Variants in LGSN observed in about 807,000 individuals in gnomAD.
LGSN encodes lengsin.
LGSN carries 21 observed loss-of-function variants against 19.5 expected under a neutral mutation model. That is an observed-to-expected ratio of 1.07 (90% CI 0.76 to 1.55). The LOEUF (loss-of-function observed/expected upper bound fraction) is 1.55. LGSN is among the 40% of genes most tolerant of loss of function. The pLI, the probability that LGSN is intolerant of heterozygous loss-of-function variation, is 0.00. For missense variants in LGSN, 673 were observed against 608.5 expected, an observed-to-expected ratio of 1.11 and a Z score of -1.12; for synonymous variants, 257 against 215.6, an observed-to-expected ratio of 1.19 and a Z score of -1.68.
chr6:63,350,253 C>T, the LGSN span, among the ~76,000 whole-genome samples: 1 of 152,134 alleles, frequency 6.6e-6, no homozygotes, highest in South Asian at 2.1e-4. Flanking sequence ...ACCTTGATTT[C>T]TTTCATTCTT....
At chr6:63,281,354 A>ATATATATATAATAAATATAAAT (rs1767318084) in intron 3 of LGSN, 134 bp from the exon 4 acceptor site, 1 of 168,694 alleles carries the variant, frequency 5.9e-6, no homozygotes, top group Non-Finnish European at 1.2e-5. Flanking sequence ...ATATATGTTT[A>ATATATATATAATAAATATAAAT]ACACTTGTTG....
the LGSN span, among the ~76,000 whole-genome samples, chr6:63,442,135 G>A: frequency 2.0e-4 from 31 of 152,236 alleles, no homozygotes; most frequent in African/African-American, 7.2e-4. Context: ...CCTCATGTCC[G>A]GAGTTGTTGG....
chr6:63,492,477 G>A, the LGSN span, among the ~76,000 whole-genome samples: 1 of 152,322 alleles, frequency 6.6e-6, no homozygotes, highest in Middle Eastern at 3.4e-3. Flanking sequence ...CCTAACTGTT[G>A]TTACATGTTT....
At chr6:63,418,518 G>A in the LGSN span, among the ~76,000 whole-genome samples, 7 of 152,122 alleles carry the variant, frequency 4.6e-5, no homozygotes, top group Non-Finnish European at 8.8e-5. Flanking sequence ...CCGAGATTCC[G>A]CCACTGCACT....
chr6:63,284,163 T>C (rs963586291), intron 3 of LGSN, among the ~76,000 whole-genome samples: 4 of 152,180 alleles, frequency 2.6e-5, no homozygotes, highest in Admixed American at 6.5e-5. Flanking sequence ...TACTCTATGA[T>C]CATTAAATGA....
Position 63,319,919 on chromosome 6 carries a change from G to A in LGSN, c.25C>T (p.Gln9Ter), listed in dbSNP as rs1454457360. 1 of 1,609,000 alleles carries A rather than the reference G, an allele frequency of 6.2e-7. No homozygotes were observed. Among genetic ancestry groups the A allele is most frequent in the South Asian group, 1.1e-5 (1 of 90,946 alleles). The part of the protein sequence containing the change: MNNEEDLL[Q>*]EDSTRDEGNE... ...TTTAATGATTAGCTTCATACCTCCT[G>A]CAGAAGGTCCTCTTCATTATTCATC... Residue 9 changes from glutamine (Q) to a stop codon, truncating the protein, a stop_gained, in exon 1 of 4, where the codon CAG (glutamine) becomes TAG (stop). Transcript: ENST00000370657. LOFTEE classifies it high-confidence loss of function.
chr6:63,432,179 G>GAAAGAAAAGAAAAGAAAAGA, the LGSN span, among the ~76,000 whole-genome samples: 159 of 113,632 alleles, frequency 1.4e-3, 6 homozygotes, highest in Middle Eastern at 8.2e-3. Flanking sequence ...GAAAAGGAAA[G>GAAAGAAAAGAAAAGAAAAGA]AAAGAAAAGA....
At chr6:63,549,543 G>T in the LGSN span, 1 of 622,052 alleles carries the variant, frequency 1.6e-6, no homozygotes, top group Non-Finnish European at 2.8e-6. Flanking sequence ...TTTTAAAGGT[G>T]ATAAATGTTG....
chr6:63,412,513 A>G, the LGSN span, among the ~76,000 whole-genome samples: 52 of 113,890 alleles, frequency 4.6e-4, no homozygotes, highest in Admixed American at 1.4e-3. Flanking sequence ...AAAGAAAGAA[A>G]GAAAGAAAGA....
the LGSN span, among the ~76,000 whole-genome samples, chr6:63,389,329 G>A: frequency 6.6e-6 from 1 of 152,154 alleles, no homozygotes; most frequent in African/African-American, 2.4e-5. Flanking sequence ...CAGATAGAGA[G>A]GAAAGGATAT....
At chr6:63,407,071 T>C in the LGSN span, among the ~76,000 whole-genome samples, 1 of 151,940 alleles carries the variant, frequency 6.6e-6, no homozygotes, top group African/African-American at 2.4e-5. Context: ...CAGGACCAGA[T>C]GGATTCACAG....
the LGSN span, among the ~76,000 whole-genome samples, chr6:63,537,383 A>G: frequency 3.9e-5 from 6 of 152,134 alleles, no homozygotes; most frequent in Non-Finnish European, 8.8e-5. Context: ...AAGAGGAAAA[A>G]CCATATTAGT....
chr6:63,523,737 T>A, the LGSN span, among the ~76,000 whole-genome samples: 1 of 152,152 alleles, frequency 6.6e-6, no homozygotes, highest in Non-Finnish European at 1.5e-5. Flanking sequence ...TTTGCGATTT[T>A]TTTAAGCTCA....
chr6:63,336,403 G>C, the LGSN span, among the ~76,000 whole-genome samples: 1 of 151,842 alleles, frequency 6.6e-6, no homozygotes, highest in East Asian at 1.9e-4. Context: ...AGAGAGACCC[G>C]TCTGCAGTCC....
the LGSN span, among the ~76,000 whole-genome samples, chr6:63,360,157 T>C: frequency 6.6e-6 from 1 of 152,146 alleles, no homozygotes; most frequent in South Asian, 2.1e-4. Flanking sequence ...TTGCTCTTCT[T>C]GAGGAGTATC....
chr6:63,299,614 G>A (rs534986327), intron 1 of LGSN, among the ~76,000 whole-genome samples: 2 of 152,232 alleles, frequency 1.3e-5, no homozygotes, highest in African/African-American at 4.8e-5. Flanking sequence ...TGAATTGGGG[G>A]AAAGAAAAAC....
At chr6:63,338,628 A>C in the LGSN span, among the ~76,000 whole-genome samples, 1 of 151,778 alleles carries the variant, frequency 6.6e-6, no homozygotes. Flanking sequence ...TATTGATTTT[A>C]TCTTTTCAGG....
At chr6:63,430,146 G>A in the LGSN span, among the ~76,000 whole-genome samples, 1 of 152,118 alleles carries the variant, frequency 6.6e-6, no homozygotes, top group Admixed American at 6.6e-5. Flanking sequence ...TGAAATCAGG[G>A]AATTTCTTCC....
At chr6:63,551,761 C>T in the LGSN span, among the ~76,000 whole-genome samples, 22 of 150,356 alleles carry the variant, frequency 1.5e-4, no homozygotes, top group East Asian at 3.8e-3. Context: ...TGTTCAATTC[C>T]CAATTCCCAC....
Sources: gnomAD v4.1 joint callset for allele counts (sites outside exome capture counted in the v4.1 genomes callset) on GRCh38, gnomAD v4.1.1 for gene constraint, MANE v1.5 for transcripts, NCBI Gene and HGNC (gene_info 2026-07-23, HGNC 2026-07-21) for gene names.